The following CORO6 variants were observed in gnomAD, a reference collection of about 807,000 sequenced individuals.
The protein encoded by CORO6 is coronin-6.
In CORO6, 43 loss-of-function variants were observed where a neutral mutation model predicts 49.0. The ratio of observed to expected loss-of-function variants is 0.88; its 90% CI spans 0.69 to 1.13. CORO6 has a LOEUF of 1.13. CORO6 is among the 50% of genes most tolerant of loss of function. CORO6 has a pLI of 0.00. For synonymous variants in CORO6, 233 were observed against 256.5 expected, an observed-to-expected ratio of 0.91 and a Z score of 0.88; for missense variants, 650 against 647.0, an observed-to-expected ratio of 1.00 and a Z score of -0.05.
chr17:29,622,001 G>A (rs2035331082), intron 1 of CORO6: 2 of 157,706 alleles, frequency 1.3e-5, no homozygotes, highest in Non-Finnish European at 2.8e-5. Context: ...TGCCAAGGGG[G>A]AAGTTCCTCC....
intron 5 of CORO6, chr17:29,618,306 C>A (rs146995190): frequency 2.3e-6 from 3 of 1,291,530 alleles, no homozygotes; most frequent in Non-Finnish European, 2.9e-6. Context: ...CCAGGGCCGC[C>A]GCCCTCCCAG....
At chr17:29,619,899 T>C in intron 2 of CORO6, 126 bp from the exon 3 acceptor site, 2 of 779,474 alleles carry the variant, frequency 2.6e-6, no homozygotes, top group Non-Finnish European at 4.2e-6. Context: ...TCTCTGCACT[T>C]CTAACCCCAT....
At position 29,616,646 on chromosome 17, in the gene CORO6, G is replaced by A. The variant is rs1043387339; in HGVS notation, c.1004+56C>T. 2.5e-6 allele frequency: 4 copies of A among 1,592,056 alleles called. No individual in the cohort carries two copies. The highest frequency in any genetic ancestry group is 1.8e-4 in the Middle Eastern group (1 of 5,650). On this transcript the variant is annotated intron_variant, in intron 8 of 10. Transcript: ENST00000388767. This position sits in a 1 kb window ranked among gnomAD's most constrained non-coding sequence, Gnocchi z 5.6. Reference sequence around the variant, plus strand: ...TGGGGAAGCCCCGTGGCTAGGACCCGACATGAGTGGGGGACAGAGGCGGGT... The same window carrying A: ...TGGGGAAGCCCCGTGGCTAGGACCCAACATGAGTGGGGGACAGAGGCGGGT...
intron 6 of CORO6, 21 bp downstream of exon 6, chr17:29,617,479 C>G (rs2035034268): frequency 6.3e-7 from 1 of 1,598,814 alleles, no homozygotes; most frequent in African/African-American, 1.3e-5. Flanking sequence ...GGCACACACC[C>G]CAAGCCTCCA....
chr17:29,618,439 G>GTGCC, intron 5 of CORO6: 7 of 1,277,416 alleles, frequency 5.5e-6, no homozygotes, highest in Non-Finnish European at 6.9e-6. Context: ...ATGCGTCTGG[G>GTGCC]TGCCGGCTGA....
chr17:29,617,610 C>A lies in CORO6; in HGVS notation c.643G>T (p.Ala215Ser). The A allele has an allele frequency of 6.3e-7, 1 of 1,596,998 alleles. No homozygotes were observed. Among genetic ancestry groups the A allele is most frequent in the Non-Finnish European group, 8.5e-7 (1 of 1,173,526 alleles). ...RKGQVVAERF[A>S]AHEGMRPMRA... ...ATGGGCCTCATCCCCTCGTGGGCCG[C>A]AAACCTCTCCTGGGGGGAGGGGGAG... The change falls in exon 6 of 11, where the codon GCG (alanine) becomes TCG (serine). Residue 215 changes from alanine (A) to serine (S), a missense_variant. Coordinates refer to ENST00000388767, the MANE Select transcript of CORO6 (RefSeq NM_032854.4).
At position 29,616,144 on chromosome 17, in the gene CORO6, T is replaced by A; in HGVS notation, c.1094A>T (p.Asp365Val). The change falls in exon 10 of 11, where the codon GAT (aspartate) becomes GTT (valine). Residue 365 changes from aspartate (D) to valine (V), a missense_variant. Transcript: ENST00000388767. The surrounding 1 kb of genome is among the most constrained non-coding windows in gnomAD (Gnocchi z 5.6). ...TAGGGCCGGCTCCGGGCCTGGCGTA[T>A]CCGGGTACAGATCGTCCTGGAAGAG... The part of the protein sequence containing the change: ...SDLFQDDLYP[D>V]TPGPEPALEA... The A allele has an allele frequency of 6.2e-7, 1 of 1,613,476 alleles. No homozygotes were observed. The highest frequency in any genetic ancestry group is 8.5e-7 in the Non-Finnish European group (1 of 1,179,950).
At position 29,616,028 on chromosome 17, in the gene CORO6, G is replaced by T; in HGVS notation, c.1210C>A (p.Arg404=). The T allele has an allele frequency of 6.2e-7, 1 of 1,608,918 alleles. No homozygotes were observed. ...GYVPPKHREL[R]VTKRNILDVR... ...TCCAGGATGTTGCGCTTCGTGACCC[G>T]GAGCTCGCGGTGCTTGGGGGGCACA... The change falls in exon 10 of 11, where the codon CGG becomes AGG. Residue 404 remains arginine (R), a synonymous_variant. Coordinates refer to ENST00000388767, the MANE Select transcript of CORO6 (RefSeq NM_032854.4). This position sits in a 1 kb window ranked among gnomAD's most constrained non-coding sequence, Gnocchi z 5.6.
Position 29,615,632 on chromosome 17 carries a change from G to T in CORO6, c.*100C>A. The T allele has an allele frequency of 7.6e-7, 1 of 1,319,848 alleles. No homozygotes were observed. Among genetic ancestry groups the T allele is most frequent in the Non-Finnish European group, 1.0e-6 (1 of 1,001,388 alleles). The allele number at this position is 1,319,848 out of a possible 1,614,324, so 81.8% of individuals were successfully genotyped here. ...AGTTCCCTCCCCAGTCCCGCCCCCGGGCCCAGCCCAAGAAGGCGGGGTCCG... is the reference window on the plus strand; with the variant it reads ...AGTTCCCTCCCCAGTCCCGCCCCCGTGCCCAGCCCAAGAAGGCGGGGTCCG... On this transcript the variant is annotated 3_prime_UTR_variant, in exon 11 of 11. Transcript: ENST00000388767.
rs762379931 is a variant in CORO6, at chr17:29,619,148, C to T, written c.363G>A (p.Thr121=). ...GGCCCTCAAGTGTGATGATAGGTTC[C>T]GTAATGTTGCGCATGGGGGTATAGT... ...IPDYTPMRNI[T]EPIITLEGHS... is the part of the protein sequence containing the mutation. Residue 121 remains threonine (T), a synonymous_variant, in exon 4 of 11, where the codon ACG becomes ACA. Coordinates refer to ENST00000388767, the MANE Select transcript of CORO6 (RefSeq NM_032854.4). The T allele has an allele frequency of 5.0e-6, 8 of 1,613,660 alleles. No individual in the cohort carries two copies. Among genetic ancestry groups the T allele is most frequent in the Middle Eastern group, 1.6e-4 (1 of 6,062 alleles).
intron 5 of CORO6, chr17:29,618,578 G>A (rs1165641357): frequency 1.4e-6 from 2 of 1,394,312 alleles, no homozygotes; most frequent in Admixed American, 3.1e-5. Context: ...AGGGAGGGGA[G>A]GGAACAGGAG....
Position 29,621,392 on chromosome 17 carries a change from C to T in CORO6, c.30G>A (p.Lys10=). MSRRVVRQS[K]FRHVFGQAAK... is the part of the protein sequence containing the mutation. ...CTGCCTGCCCAAACACATGGCGGAA[C>T]TTGCTTTGCCGAACCACACGTCTGC... is the stretch of plus-strand genomic sequence containing the variant. Residue 10 remains lysine (K), a synonymous_variant, in exon 2 of 11, where the codon AAG becomes AAA. Transcript: ENST00000388767. The surrounding 1 kb of genome is among the most constrained non-coding windows in gnomAD (Gnocchi z 4.2). 1 of 1,613,270 alleles carries T rather than the reference C, an allele frequency of 6.2e-7. No homozygotes were observed. Among genetic ancestry groups the T allele is most frequent in the Non-Finnish European group, 8.5e-7 (1 of 1,179,588 alleles).
In CORO6 at chr17:29,619,091, G is replaced by C. The variant is rs762272850; in HGVS notation, c.420C>G (p.His140Gln). Residue 140 changes from histidine to glutamine, a missense_variant, in exon 4 of 11, where the codon CAC becomes CAG. Transcript: ENST00000388767. ...HSKRVGILSW[H>Q]PTARNVLLSA... ...TGAGCAGGACATTCCTGGCAGTAGG[G>C]TGCCAGGAGAGGATGCCCACACGCT... is the stretch of plus-strand genomic sequence containing the variant. 6.2e-7 allele frequency: 1 copy of C among 1,613,686 alleles called. No individual in the cohort carries two copies. Among genetic ancestry groups the C allele is most frequent in the Non-Finnish European group, 8.5e-7 (1 of 1,179,888 alleles).
chr17:29,618,732 T>C, intron 5 of CORO6, 58 bp downstream of exon 5: 11 of 1,573,882 alleles, frequency 7.0e-6, no homozygotes, highest in Non-Finnish European at 9.5e-6. Flanking sequence ...GGTACAAGGG[T>C]GCTGACAGCT....
intron 5 of CORO6, 81 bp downstream of exon 5, chr17:29,618,709 T>A (rs757464048): frequency 5.6e-5 from 85 of 1,507,222 alleles, no homozygotes; most frequent in Non-Finnish European, 6.9e-5. Context: ...GACCAGGGGC[T>A]CTGATAATGG....
intron 4 of CORO6, 39 bp downstream of exon 4, chr17:29,619,020 AC>A: frequency 1.9e-6 from 3 of 1,611,694 alleles, no homozygotes; most frequent in Non-Finnish European, 2.5e-6. Context: ...CTTTGCCACC[AC>A]CCACCCATCT....
At chr17:29,620,837 G>T (rs1269295817) in intron 2 of CORO6, among the ~76,000 whole-genome samples, 1 of 152,164 alleles carries the variant, frequency 6.6e-6, no homozygotes, top group Non-Finnish European at 1.5e-5. Flanking sequence ...TAATCAAATG[G>T]TCATCTTGGG....
chr17:29,619,239 T>C (rs368519460), intron 3 of CORO6, 50 bp from the exon 4 acceptor site: 7 of 1,595,442 alleles, frequency 4.4e-6, no homozygotes, highest in Non-Finnish European at 5.1e-6. Flanking sequence ...AGCCACCCTG[T>C]CCCTCCACTC....
In CORO6 at chr17:29,615,856, T is replaced by C. The variant is rs1346672034; in HGVS notation, c.1295A>G (p.Gln432Arg). 3 of 1,598,248 alleles carry C rather than the reference T, an allele frequency of 1.9e-6. No homozygotes were observed. The highest frequency in any genetic ancestry group is 1.3e-5 in the African/African-American group (1 of 74,196). Residue 432 changes from glutamine (Q) to arginine (R), a missense_variant and splice_region_variant, in exon 11 of 11, where the codon CAG (glutamine) becomes CGG (arginine). Gln to Arg is a conservative substitution (Grantham distance 43). Transcript: ENST00000388767. ...SQSASDAPLSQQHTLETLLEE... is the reference protein window; with the variant it reads ...SQSASDAPLSRQHTLETLLEE... ...CAGCAGCGTCTCCAGGGTGTGCTGCTGCTGGGGCGGAGGACAGAGAGGCCG... is the reference window on the plus strand; with the variant it reads ...CAGCAGCGTCTCCAGGGTGTGCTGCCGCTGGGGCGGAGGACAGAGAGGCCG...
Sources: allele counts gnomAD v4.1 joint callset (sites outside exome capture counted in the v4.1 genomes callset), GRCh38; gene constraint gnomAD v4.1.1; non-coding constraint Gnocchi (gnomAD v3.1); transcripts MANE v1.5; gene names NCBI Gene and HGNC (gene_info 2026-07-23, HGNC 2026-07-21).